The following ARHGDIB variants were observed in gnomAD, a reference collection of about 807,000 sequenced individuals.
The protein encoded by ARHGDIB is rho GDP-dissociation inhibitor 2.
A neutral mutation model predicts 22.6 loss-of-function variants in ARHGDIB; 20 were observed. The ratio of observed to expected loss-of-function variants is 0.88; its 90% CI spans 0.62 to 1.28. ARHGDIB has a LOEUF of 1.28. Ranked by LOEUF, ARHGDIB falls within the 50% of genes most tolerant of loss-of-function variation. The pLI is 0.00. For missense variants in ARHGDIB, 254 were observed against 245.4 expected, an observed-to-expected ratio of 1.04 and a Z score of -0.23; for synonymous variants, 114 against 96.1, an observed-to-expected ratio of 1.19 and a Z score of -1.09.
intron 1 of ARHGDIB, among the ~76,000 whole-genome samples, chr12:14,959,975 A>T (rs1864378747): frequency 6.6e-6 from 1 of 152,182 alleles, no homozygotes; most frequent in African/African-American, 2.4e-5. Flanking sequence ...AAAAACACAA[A>T]GCCAATGGCA....
intron 1 of ARHGDIB, 114 bp from the exon 2 acceptor site, chr12:14,950,838 T>C: frequency 1.3e-6 from 1 of 745,062 alleles, no homozygotes; most frequent in Non-Finnish European, 2.1e-6. Flanking sequence ...CATCAGTCAC[T>C]TTCCTGATTG....
intron 1 of ARHGDIB, among the ~76,000 whole-genome samples, chr12:14,955,025 A>G (rs1565464751): frequency 6.6e-6 from 1 of 152,204 alleles, no homozygotes; most frequent in East Asian, 1.9e-4. Flanking sequence ...CAGATGCTGC[A>G]TATTTTATTT....
rs71530942 is a variant in ARHGDIB, at chr12:14,945,029, T to C, written c.343-190A>G. 3.5e-3 allele frequency among the ~76,000 whole-genome samples: 533 copies of C among 152,352 alleles called. 2 individuals are homozygous for C. Among genetic ancestry groups the C allele is most frequent in the Middle Eastern group, 6.8e-3 (2 of 294 alleles). On this transcript the variant is annotated intron_variant, in intron 4 of 5. Transcript: ENST00000228945. ...AGATTAGAGAGGGGAAATCATAAAA[T>C]GCAACATTGCCAAACTGGTTTAATT...
chr12:14,946,583 G>A (rs1864019987), intron 4 of ARHGDIB, among the ~76,000 whole-genome samples: 2 of 152,124 alleles, frequency 1.3e-5, no homozygotes, highest in Non-Finnish European at 1.5e-5. Context: ...CTGAATTAGA[G>A]AGTACTCAAA....
At chr12:14,958,147 G>A (rs972454278) in intron 1 of ARHGDIB, among the ~76,000 whole-genome samples, 2 of 152,100 alleles carry the variant, frequency 1.3e-5, no homozygotes, top group African/African-American at 4.8e-5. Context: ...TGCTTGCCTG[G>A]CAATTTGGTG....
In ARHGDIB at chr12:14,947,933, G is replaced by A. The variant is rs773847772; in HGVS notation, c.282C>T (p.Leu94=). The A allele has an allele frequency of 6.2e-7, 1 of 1,612,424 alleles. No homozygotes were observed. The highest frequency in any genetic ancestry group is 8.5e-7 in the Non-Finnish European group (1 of 1,178,562). The part of the protein sequence containing the change: ...TMDLTGDLEA[L]KKETIVLKEG... ...CCTTTAACACAATGGTTTCCTTTTTGAGGGCTTCCAGATCTCCTGTAGAAG... is the reference window on the plus strand; with the variant it reads ...CCTTTAACACAATGGTTTCCTTTTTAAGGGCTTCCAGATCTCCTGTAGAAG... Residue 94 remains leucine, a synonymous_variant, in exon 4 of 6, where the codon CTC becomes CTT. Coordinates refer to ENST00000228945, the MANE Select transcript of ARHGDIB (RefSeq NM_001175.7).
chr12:14,945,658 G>A (rs1034710262), intron 4 of ARHGDIB, among the ~76,000 whole-genome samples: 3 of 152,238 alleles, frequency 2.0e-5, no homozygotes, highest in Non-Finnish European at 4.4e-5. Context: ...AAGAATTAAA[G>A]CATCTTCAAA....
chr12:14,944,129 G>A (rs1405077199), intron 5 of ARHGDIB, among the ~76,000 whole-genome samples: 1 of 151,314 alleles, frequency 6.6e-6, no homozygotes, highest in Non-Finnish European at 1.5e-5. Context: ...GAAAGGAACT[G>A]TAAAGTGCCT....
At position 14,942,552 on chromosome 12, in the gene ARHGDIB, G is replaced by T; in HGVS notation, c.576C>A (p.Asn192Lys). The T allele has an allele frequency of 6.2e-7, 1 of 1,614,128 alleles. No individual in the cohort carries two copies. Among genetic ancestry groups the T allele is most frequent in the East Asian group, 2.2e-5 (1 of 44,872 alleles). ...DKQDHLSWEW[N>K]LSIKKEWTE ...CTGTCCACTCCTTCTTAATCGACAG[G>T]TTCCACTCCCAGCTGAGGTGGTCTT... The change falls in exon 6 of 6, where the codon AAC (asparagine) becomes AAA (lysine). Residue 192 changes from asparagine (N) to lysine (K), a missense_variant. By Grantham distance (94) the Asn-to-Lys change is moderately conservative (BLOSUM62 0). Coordinates refer to ENST00000228945, the MANE Select transcript of ARHGDIB (RefSeq NM_001175.7).
At chr12:14,955,758 T>C (rs200880590) in intron 1 of ARHGDIB, among the ~76,000 whole-genome samples, 3 of 152,220 alleles carry the variant, frequency 2.0e-5, no homozygotes, top group Admixed American at 6.5e-5. Context: ...CAAACAACAA[T>C]TTTCTCTTTT....
intron 4 of ARHGDIB, among the ~76,000 whole-genome samples, chr12:14,946,346 C>A (rs142776017): frequency 6.6e-6 from 1 of 152,170 alleles, no homozygotes; most frequent in Non-Finnish European, 1.5e-5. Context: ...AGAAAAAGAA[C>A]ATTGAGTGCA....
intron 5 of ARHGDIB, among the ~76,000 whole-genome samples, chr12:14,943,062 T>C (rs1469405652): frequency 6.6e-6 from 1 of 152,140 alleles, no homozygotes; most frequent in Non-Finnish European, 1.5e-5. Flanking sequence ...GAGACGGGGT[T>C]TCTCCATGTT....
chr12:14,949,169 C>T (rs544809476), intron 3 of ARHGDIB, among the ~76,000 whole-genome samples: 2 of 152,190 alleles, frequency 1.3e-5, no homozygotes, highest in East Asian at 1.9e-4. Context: ...TCTCATATCC[C>T]CTCTGATGCC....
chr12:14,953,238 G>A (rs1415259703), intron 1 of ARHGDIB, among the ~76,000 whole-genome samples: 4 of 152,150 alleles, frequency 2.6e-5, no homozygotes, highest in African/African-American at 9.7e-5. Flanking sequence ...GCAGTCAAAA[G>A]GGGGAAATTC....
At position 14,949,811 on chromosome 12, in the gene ARHGDIB, C is replaced by T. The variant is rs144144662; in HGVS notation, c.256G>A (p.Asp86Asn). The T allele has an allele frequency of 1.1e-5, 17 of 1,613,522 alleles. No homozygotes were observed. The African/African-American group carries it at 1.6e-4, about 15-fold the overall frequency. ...CESAPGPITM[D>N]LTGDLEALKK... ...AGATGTGTCTACATACCAGTAAGGT[C>T]CATGGTGATTGGTCCCGGGGCACTC... The change falls in exon 3 of 6, where the codon GAC becomes AAC. Residue 86 changes from aspartate (D) to asparagine (N), a missense_variant. Coordinates refer to ENST00000228945, the MANE Select transcript of ARHGDIB (RefSeq NM_001175.7).
chr12:14,958,563 C>T (rs990895556), intron 1 of ARHGDIB, among the ~76,000 whole-genome samples: 45 of 152,168 alleles, frequency 3.0e-4, no homozygotes, highest in African/African-American at 1.0e-3. Flanking sequence ...GAGTGCCCAA[C>T]GTGTGAAGTC....
At position 14,947,918 on chromosome 12, in the gene ARHGDIB, A is replaced by T. The variant is rs778822752; in HGVS notation, c.297T>A (p.Ile99=). Residue 99 remains isoleucine (I), a synonymous_variant, in exon 4 of 6, where the codon ATT becomes ATA. Transcript: ENST00000228945. ...GDLEALKKET[I]VLKEGSEYRV... Reference sequence around the variant, plus strand: ...TATATTCAGAACCTTCCTTTAACACAATGGTTTCCTTTTTGAGGGCTTCCA... The same window carrying T: ...TATATTCAGAACCTTCCTTTAACACTATGGTTTCCTTTTTGAGGGCTTCCA... The T allele has an allele frequency of 4.3e-6, 7 of 1,613,326 alleles. No individual in the cohort carries two copies. The East Asian group carries it at 1.6e-4, about 36-fold the overall frequency.
At position 14,950,153 on chromosome 12, in the gene ARHGDIB, A is replaced by G. The variant is rs76258319; in HGVS notation, c.182-268T>C. 6.7e-3 allele frequency among the ~76,000 whole-genome samples: 1,021 copies of G among 152,252 alleles called. 19 individuals are homozygous for G. Among genetic ancestry groups the G allele is most frequent in the East Asian group, 0.025 (128 of 5,178 alleles). On this transcript the variant is annotated intron_variant, in intron 2 of 5. Transcript: ENST00000228945. ...TGGCTATGGGTCAGGTACTCTGCTA[A>G]TTGGGCACTGTCCATTTATATCTCT...
Position 14,957,545 on chromosome 12 carries a change from A to T in ARHGDIB, c.-13+3992T>A, listed in dbSNP as rs187811092. Among the ~76,000 whole-genome samples the T allele has an allele frequency of 9.9e-4, 151 of 152,348 alleles. 1 individual carries two copies. Among genetic ancestry groups the T allele is most frequent in the African/African-American group, 3.6e-3 (149 of 41,578 alleles). On this transcript the variant is annotated intron_variant, in intron 1 of 5. Transcript: ENST00000228945. ...ACTGAATCAACCTTAAAATGAGACT[A>T]TATTATATTTCTTTTAAAAACTTTC...
Sources: allele counts gnomAD v4.1 joint callset (sites outside exome capture counted in the v4.1 genomes callset), GRCh38; gene constraint gnomAD v4.1.1; transcripts MANE v1.5; gene names NCBI Gene and HGNC (gene_info 2026-07-23, HGNC 2026-07-21).